MUC5B: variants seen among roughly 807,000 people sequenced by gnomAD.
MUC5B encodes mucin 5B, oligomeric mucus/gel-forming.
A neutral mutation model predicts 376.9 loss-of-function variants in MUC5B; 116 were observed. That is an observed-to-expected ratio of 0.31 (90% CI 0.26 to 0.36). The LOEUF (loss-of-function observed/expected upper bound fraction) is 0.36. MUC5B is among the 10% of genes least tolerant of loss of function. The probability of loss-of-function intolerance (pLI) is 1.00; values close to 1 mark genes in which losing one functional copy is unlikely to be tolerated. For synonymous variants in MUC5B, 3,517 were observed against 3,390.9 expected (o/e 1.04, Z -1.29); for missense variants, 7,165 against 7,769.9 (o/e 0.92, Z 2.93).
At chr11:1,225,627 GTGGC>G in intron 1 of MUC5B, 50 bp from the exon 2 acceptor site, 1 of 1,523,206 alleles carries the variant, frequency 6.6e-7, no homozygotes, top group Non-Finnish European at 8.9e-7. Context: ...GGTTGGGTTC[GTGGC>G]TGGCAGCCAC....
Position 1,230,543 on chromosome 11 carries a change from G to A in MUC5B, c.1413G>A (p.Leu471=). 1 of 1,611,866 alleles carries A rather than the reference G, an allele frequency of 6.2e-7. No individual in the cohort carries two copies. The highest frequency in any genetic ancestry group is 8.5e-7 in the Non-Finnish European group (1 of 1,179,306). Residue 471 remains leucine, a synonymous_variant, in exon 12 of 49, where the codon CTG becomes CTA. Transcript: ENST00000529681. ...TVLAELRKCG[L]TDNENCLKAV... ...TGGCTGAGCTGCGGAAGTGCGGCCTGACGGACAACGAGAACTGCCTGAAAG... is the reference window on the plus strand; with the variant it reads ...TGGCTGAGCTGCGGAAGTGCGGCCTAACGGACAACGAGAACTGCCTGAAAG...
Position 1,251,366 on chromosome 11 carries a change from C to G in MUC5B, c.14486C>G (p.Thr4829Ser), listed in dbSNP as rs750432417. Residue 4829 changes from threonine (T) to serine (S), a missense_variant, in exon 31 of 49, where the codon ACT becomes AGT. Thr to Ser is a moderately conservative substitution (Grantham distance 58, BLOSUM62 1). This residue lies in a region of MUC5B where 730 missense variants were observed against 592.7 expected (regional missense o/e 1.23). Transcript: ENST00000529681. ...GAGCTGACCACAACAGCCACTACAA[C>G]TGCAGCCACTGGATCCACGGCCACC... ...LTELTTTATT[T>S]AATGSTATLS... is the part of the protein sequence containing the mutation. The G allele has an allele frequency of 1.9e-6, 3 of 1,608,504 alleles. No homozygotes were observed. Among genetic ancestry groups the G allele is most frequent in the Non-Finnish European group, 2.5e-6 (3 of 1,176,804 alleles).
chr11:1,254,143 C>A lies in MUC5B; in HGVS notation c.15269C>A (p.Ser5090Tyr). The A allele has an allele frequency of 6.2e-7, 1 of 1,612,974 alleles. No homozygotes were observed. Among genetic ancestry groups the A allele is most frequent in the Non-Finnish European group, 8.5e-7 (1 of 1,179,838 alleles). ...GSHYSTFDGT[S>Y]YTFRGNCTYV... ...CACTATTCCACCTTTGACGGCACCT[C>A]TTACACCTTCCGGGGCAACTGCACC... The change falls in exon 34 of 49, where the codon TCT (serine) becomes TAT (tyrosine). Residue 5090 changes from serine (S) to tyrosine (Y), a missense_variant. By Grantham distance (144) the Ser-to-Tyr change is moderately radical. Around this residue, in one of 31 missense-constraint regions of MUC5B, gnomAD observed 842 missense variants for 1,016.9 expected, o/e 0.83. Transcript: ENST00000529681.
rs1164172380 is a variant in MUC5B at position 1,244,223 on chromosome 11, C to T, written c.7343C>T (p.Ser2448Phe). 4.3e-6 allele frequency: 7 copies of T among 1,611,544 alleles called. No homozygotes were observed. The highest frequency in any genetic ancestry group is 4.2e-6 in the Non-Finnish European group (5 of 1,178,188). Residue 2448 changes from serine to phenylalanine, a missense_variant, in exon 31 of 49, where the codon TCC (serine) becomes TTC (phenylalanine). Around this residue, in one of 31 missense-constraint regions of MUC5B, gnomAD observed 194 missense variants for 268.5 expected, o/e 0.72. Coordinates refer to ENST00000529681, the MANE Select transcript of MUC5B (RefSeq NM_002458.3). Reference protein sequence around the residue: ...ELTTTATTTESTGSTATPSST... With the variant: ...ELTTTATTTEFTGSTATPSST... ...ACCACAACAGCCACTACGACTGAGT[C>T]CACTGGATCCACGGCCACCCCGTCC...
In MUC5B at chr11:1,251,414, C is replaced by T. The variant is rs753810214; in HGVS notation, c.14534C>T (p.Thr4845Ile). The change falls in exon 31 of 49, where the codon ACC becomes ATC. Residue 4845 changes from threonine (T) to isoleucine (I), a missense_variant. Thr to Ile is a moderately conservative substitution (Grantham distance 89). This residue lies in a region of MUC5B where 730 missense variants were observed against 592.7 expected (regional missense o/e 1.23). Transcript: ENST00000529681. ...TATLSSTPGT[T>I]WILTEPSTIA... ...ACCCTGTCCTCCACCCCAGGGACCA[C>T]CTGGATCCTCACAGAGCCGAGCACT... 4 of 1,612,618 alleles carry T rather than the reference C, an allele frequency of 2.5e-6. No homozygotes were observed. The highest frequency in any genetic ancestry group is 2.7e-5 in the African/African-American group (2 of 74,892).
intron 18 of MUC5B, among the ~76,000 whole-genome samples, 199 bp downstream of exon 18, chr11:1,233,467 G>A (rs1862080478): frequency 6.6e-6 from 1 of 152,134 alleles, no homozygotes; most frequent in South Asian, 2.1e-4. Flanking sequence ...AGGTGGCCCT[G>A]GGAGGACACC....
Position 1,243,817 on chromosome 11 carries a change from G to T in MUC5B, c.6937G>T (p.Gly2313Cys), listed in dbSNP as rs756433319. Residue 2313 changes from glycine to cysteine, a missense_variant, in exon 31 of 49, where the codon GGC becomes TGC. Coordinates refer to ENST00000529681, the MANE Select transcript of MUC5B (RefSeq NM_002458.3). ...SAPITTVVTM[G>C]CEPQCAWSEW... ...CCCCATAACCACGGTGGTGACCATG[G>T]GCTGTGAGCCCCAGTGTGCCTGGTC... The T allele has an allele frequency of 1.2e-6, 2 of 1,611,546 alleles. No homozygotes were observed. The highest frequency in any genetic ancestry group is 1.7e-6 in the Non-Finnish European group (2 of 1,179,596).
Position 1,250,976 on chromosome 11 carries a change from C to A in MUC5B, c.14096C>A (p.Thr4699Asn), listed in dbSNP as rs1862667851. 1.9e-6 allele frequency: 3 copies of A among 1,611,794 alleles called. No individual in the cohort carries two copies. The highest frequency in any genetic ancestry group is 2.5e-6 in the Non-Finnish European group (3 of 1,178,688). The change falls in exon 31 of 49, where the codon ACT becomes AAT. Residue 4699 changes from threonine to asparagine, a missense_variant. Thr to Asn is a moderately conservative substitution (Grantham distance 65). Around this residue, in one of 31 missense-constraint regions of MUC5B, gnomAD observed 730 missense variants for 592.7 expected, o/e 1.23. Transcript: ENST00000529681. ...GGCTCCACCACCAACCCCTCCTCAA[C>A]TCCAGGGACAACACCCATCACCCCA... ...ATGSTTNPSS[T>N]PGTTPITPVL...
rs752783064 is a variant in MUC5B at position 1,255,044 on chromosome 11, C to G, written c.15668C>G (p.Thr5223Ser). The G allele has an allele frequency of 1.3e-6, 2 of 1,588,760 alleles. No individual in the cohort carries two copies. The highest frequency in any genetic ancestry group is 1.7e-6 in the Non-Finnish European group (2 of 1,168,480). Residue 5223 changes from threonine to serine, a missense_variant, in exon 36 of 49, where the codon ACC becomes AGC. Transcript: ENST00000529681. ...GCGGTGACGCCCCCACTCCCAGGCA[C>G]CTGCACCAACAACCAGAGGGACGAC... Reference protein sequence around the residue: ...FHNNTEGQCGTCTNNQRDDCL... With the variant: ...FHNNTEGQCGSCTNNQRDDCL...
rs765318867 is a variant in MUC5B, at chr11:1,247,865, G to A, written c.10985G>A (p.Arg3662His). 2.7e-5 allele frequency: 43 copies of A among 1,610,092 alleles called. No homozygotes were observed. The highest frequency in any genetic ancestry group is 3.2e-5 in the Non-Finnish European group (38 of 1,178,714). ...AAGATGTGCTTCAACTATGAAATCC[G>A]TGTGTTCTGCTGCAACTACGGCCAC... ...KFKMCFNYEI[R>H]VFCCNYGHCP... Residue 3662 changes from arginine (R) to histidine (H), a missense_variant, in exon 31 of 49, where the codon CGT (arginine) becomes CAT (histidine). Arg to His is a conservative substitution (Grantham distance 29, BLOSUM62 0). Coordinates refer to ENST00000529681, the MANE Select transcript of MUC5B (RefSeq NM_002458.3).
chr11:1,243,239 C>A lies in MUC5B; in HGVS notation c.6359C>A (p.Pro2120His). ...TTVATGSMAT[P>H]SSSTQTSGTP... ...GTGGCCACTGGTTCTATGGCAACACCCTCCTCTAGCACACAGACCAGTGGT... is the reference window on the plus strand; with the variant it reads ...GTGGCCACTGGTTCTATGGCAACACACTCCTCTAGCACACAGACCAGTGGT... Residue 2120 changes from proline to histidine, a missense_variant, in exon 31 of 49, where the codon CCC becomes CAC. Physicochemically the swap from Pro to His is moderately conservative, Grantham distance 77. Transcript: ENST00000529681. The A allele has an allele frequency of 6.4e-7, 1 of 1,560,002 alleles. No homozygotes were observed.
Position 1,247,132 on chromosome 11 carries a change from G to A in MUC5B, c.10252G>A (p.Val3418Met). ...TCCAGGGACAACTCCCATCCCCCCA[G>A]TGCTGACCACCACCGCCACCACACC... is the stretch of plus-strand genomic sequence containing the variant. The part of the protein sequence containing the change: ...STPGTTPIPP[V>M]LTTTATTPAA... Residue 3418 changes from valine to methionine, a missense_variant, in exon 31 of 49, where the codon GTG (valine) becomes ATG (methionine). By Grantham distance (21) the Val-to-Met change is conservative (BLOSUM62 1). This residue lies in a region of MUC5B where 939 missense variants were observed against 770.6 expected (regional missense o/e 1.22). Transcript: ENST00000529681. 6.5e-7 allele frequency: 1 copy of A among 1,536,536 alleles called. No homozygotes were observed. Among genetic ancestry groups the A allele is most frequent in the Non-Finnish European group, 8.8e-7 (1 of 1,130,128 alleles).
rs1365882180 is a variant in MUC5B, at chr11:1,241,492, G to A, written c.4612G>A (p.Gly1538Arg). ...CTACGATAAGATCAGGGCCGCTGGA[G>A]GGCACTTATGCCAGCAGCCTAAGGA... ...ESYDKIRAAG[G>R]HLCQQPKDIE... is the part of the protein sequence containing the mutation. Residue 1538 changes from glycine (G) to arginine (R), a missense_variant, in exon 31 of 49, where the codon GGG becomes AGG. Gly to Arg is a moderately radical substitution (Grantham distance 125, BLOSUM62 -2). This residue lies in a region of MUC5B where 517 missense variants were observed against 545.3 expected (regional missense o/e 0.95). Coordinates refer to ENST00000529681, the MANE Select transcript of MUC5B (RefSeq NM_002458.3). 5 of 1,613,688 alleles carry A rather than the reference G, an allele frequency of 3.1e-6. No individual in the cohort carries two copies. Among genetic ancestry groups the A allele is most frequent in the Admixed American group, 1.7e-5 (1 of 60,010 alleles).
rs1158244004 is a variant in MUC5B, at chr11:1,237,302, T to C, written c.3297+138T>C. 2.6e-6 allele frequency: 3 copies of C among 1,137,888 alleles called. No individual in the cohort carries two copies. The East Asian group carries it at 9.6e-5, about 36-fold the overall frequency. 70.5% of individuals were successfully genotyped at this position (1,137,888 alleles called of 1,614,324 possible). On this transcript the variant is annotated intron_variant, in intron 25 of 48. Transcript: ENST00000529681. ...GTCCCACGGCACACAGTCCTGGATG[T>C]CAGGTCCCAAGTCCGGATCTCCCGT...
At position 1,228,805 on chromosome 11, in the gene MUC5B, G is replaced by T. The variant is rs1316880480; in HGVS notation, c.976+40G>T. On this transcript the variant is annotated intron_variant, in intron 8 of 48. Transcript: ENST00000529681. ...GGCCTTCGCCAGGGATTGTGCCAGA[G>T]AGAAGGGGCAGGGGGAGCGCCTTGG... The T allele has an allele frequency of 1.5e-5, 19 of 1,281,136 alleles. No homozygotes were observed. The Admixed American group carries it at 4.8e-4, about 32-fold the overall frequency. 79.4% of individuals were successfully genotyped at this position (1,281,136 alleles called of 1,614,324 possible).
In MUC5B at chr11:1,257,244, C is replaced by T. The variant is rs763802260; in HGVS notation, c.16242C>T (p.Cys5414=). 1.9e-5 allele frequency: 15 copies of T among 779,718 alleles called. No individual in the cohort carries two copies. The highest frequency in any genetic ancestry group is 9.4e-5 in the South Asian group (7 of 74,634). The allele number at this position is 779,718 out of a possible 1,614,324, so 48.3% of individuals were successfully genotyped here. The change falls in exon 40 of 49, where the codon TGC becomes TGT. Residue 5414 remains cysteine, a synonymous_variant. Coordinates refer to ENST00000529681, the MANE Select transcript of MUC5B (RefSeq NM_002458.3). The surrounding 1 kb of genome is among the most constrained non-coding windows in gnomAD (Gnocchi z 8.9). The stretch of plus-strand genomic sequence containing the variant: ...GCCATGCTGTTTTCTTTCCAGCCTG[C>T]GTGGGACCCGATGGGTTTCCTAAAT... ...HMGICVQACP[C]VGPDGFPKFP... is the part of the protein sequence containing the mutation.
At chr11:1,252,636 T>C (rs1029290418) in intron 32 of MUC5B, 112 bp downstream of exon 32, 7 of 1,372,656 alleles carry the variant, frequency 5.1e-6, no homozygotes, top group African/African-American at 2.9e-5. Context: ...CCGCCGCCAG[T>C]ATCTCCAGTT....
At chr11:1,233,296 C>T in intron 18 of MUC5B, 28 bp downstream of exon 18, 4 of 1,498,210 alleles carry the variant, frequency 2.7e-6, no homozygotes, top group Non-Finnish European at 3.6e-6. Flanking sequence ...AAGCAGGCCC[C>T]CCAGGTGCTC....
intron 4 of MUC5B, 73 bp downstream of exon 4, chr11:1,226,949 C>A (rs1023861515): frequency 1.5e-4 from 233 of 1,520,962 alleles, no homozygotes; most frequent in Non-Finnish European, 2.0e-4. Flanking sequence ...CCATGTCTGA[C>A]CTGGGCCAGG....
Sources: gnomAD v4.1 joint callset for allele counts (sites outside exome capture counted in the v4.1 genomes callset) on GRCh38, gnomAD v4.1.1 for gene constraint, gnomAD v4.1.1 regional missense constraint, Gnocchi (gnomAD v3.1) non-coding constraint, MANE v1.5 for transcripts, NCBI Gene and HGNC (gene_info 2026-07-23, HGNC 2026-07-21) for gene names.